Variants in RYR3 observed in about 807,000 individuals in gnomAD.
RYR3 encodes ryanodine receptor 3.
RYR3 carries 207 observed loss-of-function variants against 584.3 expected under a neutral mutation model. That is an observed-to-expected ratio of 0.35 (90% confidence interval 0.32 to 0.40). The LOEUF (loss-of-function observed/expected upper bound fraction) is 0.40, where lower values mean the gene tolerates loss of function less well. Among genes scored for constraint, RYR3 ranks in the 10% least tolerant of loss-of-function variants. RYR3 has a pLI of 1.00. For missense variants in RYR3, 5,616 were observed against 6,089.2 expected (o/e 0.92, Z 2.59); for synonymous variants, 2,416 against 2,248.5 (o/e 1.07, Z -2.11).
intron 27 of RYR3, among the ~76,000 whole-genome samples, chr15:33,642,004 C>T (rs1241777131): frequency 3.3e-5 from 5 of 150,700 alleles, no homozygotes; most frequent in Admixed American, 6.6e-5. Context: ...CCATTTTTGT[C>T]ACTTGCCCTT....
intron 1 of RYR3, among the ~76,000 whole-genome samples, chr15:33,339,423 G>T (rs965543281): frequency 6.6e-6 from 1 of 152,222 alleles, no homozygotes; most frequent in Non-Finnish European, 1.5e-5. Context: ...GATGACAGAA[G>T]TGTCTTCCAA....
chr15:33,630,106 T>C, intron 22 of RYR3, 63 bp downstream of exon 22: 1 of 889,922 alleles, frequency 1.1e-6, no homozygotes. Context: ...GCATTATAAC[T>C]AAACTGCAAA....
At chr15:33,803,872 G>C (rs1020536933) in intron 69 of RYR3, among the ~76,000 whole-genome samples, 1 of 152,158 alleles carries the variant, frequency 6.6e-6, no homozygotes, top group African/African-American at 2.4e-5. Flanking sequence ...AGCATCCATT[G>C]GGATTGTCAG....
At chr15:33,586,189 A>C in intron 16 of RYR3, 73 bp downstream of exon 16, 1 of 879,740 alleles carries the variant, frequency 1.1e-6, no homozygotes, top group East Asian at 2.4e-5. Context: ...ATTGTGTTTT[A>C]CTGAGAGCAT....
intron 1 of RYR3, among the ~76,000 whole-genome samples, chr15:33,457,276 G>A (rs900034911): frequency 6.6e-5 from 10 of 152,178 alleles, no homozygotes; most frequent in East Asian, 1.9e-4. Flanking sequence ...TCTTGAAATC[G>A]GTATGTCAAA....
chr15:33,749,098 G>T (rs564380634), intron 55 of RYR3, among the ~76,000 whole-genome samples: 1 of 152,122 alleles, frequency 6.6e-6, no homozygotes, highest in Non-Finnish European at 1.5e-5. Context: ...GATGCAGAAC[G>T]CATGGTTAAG....
chr15:33,698,443 C>T (rs1462904434), intron 40 of RYR3, among the ~76,000 whole-genome samples: 4 of 152,182 alleles, frequency 2.6e-5, no homozygotes, highest in African/African-American at 9.7e-5. Flanking sequence ...GCCAGGTTTC[C>T]TTGCCAGCTC....
chr15:33,736,106 G>A (rs982046817), intron 48 of RYR3, 129 bp from the exon 49 acceptor site: 3 of 581,272 alleles, frequency 5.2e-6, no homozygotes, highest in East Asian at 2.9e-5. Context: ...TTGTTTATCC[G>A]AGATCTTGTG....
intron 17 of RYR3, 134 bp downstream of exon 17, chr15:33,601,686 A>G: frequency 1.1e-6 from 1 of 878,612 alleles, no homozygotes. Context: ...ACATAAGACA[A>G]GACCAAGCAA....
intron 69 of RYR3, among the ~76,000 whole-genome samples, chr15:33,805,485 T>C (rs2076138726): frequency 1.6e-5 from 2 of 125,548 alleles, no homozygotes; most frequent in African/African-American, 3.0e-5. Context: ...TTTTTTTTTT[T>C]CTTCTTCTTT....
Position 33,801,787 on chromosome 15 carries a change from G to T in RYR3, c.9919-82G>T, listed in dbSNP as rs566174031. 5.5e-5 allele frequency: 40 copies of T among 726,754 alleles called. No homozygotes were observed. The South Asian group carries it at 6.9e-4, about 13-fold the overall frequency. 45.0% of individuals were successfully genotyped at this position (726,754 alleles called of 1,614,324 possible). On this transcript the variant is annotated intron_variant, in intron 68 of 103. Coordinates refer to ENST00000634891, the MANE Select transcript of RYR3 (RefSeq NM_001036.6). The stretch of plus-strand genomic sequence containing the variant: ...TCGGCTGAGAGGAGGGGTCTATTCC[G>T]TTACTTGGGGAGCTTAGAATCTTAT...
chr15:33,372,850 T>C (rs990601674), intron 1 of RYR3, among the ~76,000 whole-genome samples: 1 of 152,218 alleles, frequency 6.6e-6, no homozygotes, highest in Admixed American at 6.5e-5. Flanking sequence ...TTTCAGCTGC[T>C]CACCACCCTT....
intron 16 of RYR3, 100 bp downstream of exon 16, chr15:33,586,216 T>G: frequency 1.4e-6 from 1 of 737,516 alleles, no homozygotes; most frequent in Non-Finnish European, 2.4e-6. Context: ...TAGTCTTTCT[T>G]GACTTTGATA....
intron 1 of RYR3, among the ~76,000 whole-genome samples, chr15:33,344,778 C>T (rs1004011187): frequency 6.6e-6 from 1 of 152,166 alleles, no homozygotes; most frequent in South Asian, 2.1e-4. Flanking sequence ...TCAGCCACTA[C>T]AAAGCTCAAA....
chr15:33,471,470 T>C (rs2048923303), intron 1 of RYR3, among the ~76,000 whole-genome samples: 1 of 151,944 alleles, frequency 6.6e-6, no homozygotes, highest in Admixed American at 6.6e-5. Context: ...AGGCAGCTAC[T>C]GCAAGGTCAA....
At chr15:33,588,296 G>A (rs2058957645) in intron 16 of RYR3, among the ~76,000 whole-genome samples, 1 of 152,190 alleles carries the variant, frequency 6.6e-6, no homozygotes, top group African/African-American at 2.4e-5. Flanking sequence ...AGGAGCAGAA[G>A]TTGAATATTC....
chr15:33,830,764 T>A (rs911328259), intron 85 of RYR3, 199 bp from the exon 86 acceptor site: 6 of 463,926 alleles, frequency 1.3e-5, no homozygotes, highest in Admixed American at 3.9e-5. Context: ...CTCCTATCTA[T>A]TCTTTCCTCT....
At chr15:33,398,295 C>G (rs998505944) in intron 1 of RYR3, among the ~76,000 whole-genome samples, 3 of 152,192 alleles carry the variant, frequency 2.0e-5, no homozygotes, top group Non-Finnish European at 4.4e-5. Context: ...GGCCATCCAT[C>G]CACAATGCTG....
chr15:33,609,750 A>G (rs555191740), intron 18 of RYR3, among the ~76,000 whole-genome samples: 4 of 152,218 alleles, frequency 2.6e-5, no homozygotes, highest in Non-Finnish European at 4.4e-5. Context: ...AAGTGAGACA[A>G]TTACTGCAAG....
Sources: allele counts gnomAD v4.1 joint callset (sites outside exome capture counted in the v4.1 genomes callset), GRCh38; gene constraint gnomAD v4.1.1; transcripts MANE v1.5; gene names NCBI Gene and HGNC (gene_info 2026-07-23, HGNC 2026-07-21).